Variants in CPLANE1 observed in about 807,000 individuals in gnomAD.
The protein encoded by CPLANE1 is ciliogenesis and planar polarity effector 1.
In CPLANE1, 263 loss-of-function variants were observed where a neutral mutation model predicts 362.5. The observed-to-expected ratio is 0.73, with a 90% CI of 0.66 to 0.80. The LOEUF is 0.80. Ranked by LOEUF, CPLANE1 falls within the 30% of genes least tolerant of loss-of-function variation. The probability of loss-of-function intolerance (pLI) is 0.00; values close to 1 mark genes in which losing one functional copy is unlikely to be tolerated. For synonymous variants in CPLANE1, 1,212 were observed against 1,302.6 expected (o/e 0.93, Z 1.50); for missense variants, 3,461 against 3,793.4 (o/e 0.91, Z 2.30).
At chr5:37,225,044 C>T (rs922568666) in intron 12 of CPLANE1, among the ~76,000 whole-genome samples, 7 of 151,220 alleles carry the variant, frequency 4.6e-5, no homozygotes, top group African/African-American at 1.7e-4. Flanking sequence ...CTCAGCCTCC[C>T]GAACAGGTGA....
At chr5:37,195,072 G>A (rs559753880) in intron 21 of CPLANE1, among the ~76,000 whole-genome samples, 4 of 151,148 alleles carry the variant, frequency 2.6e-5, no homozygotes, top group Non-Finnish European at 4.4e-5. Flanking sequence ...GGAGAATATC[G>A]GGAACCCAGG....
intron 21 of CPLANE1, among the ~76,000 whole-genome samples, chr5:37,192,163 T>C (rs1357571216): frequency 6.6e-6 from 1 of 152,208 alleles, no homozygotes; most frequent in Non-Finnish European, 1.5e-5. Flanking sequence ...ATATTTACCA[T>C]TGTGTTAAAA....
chr5:37,207,158 G>C (rs763671048), intron 16 of CPLANE1, among the ~76,000 whole-genome samples: 1 of 152,148 alleles, frequency 6.6e-6, no homozygotes, highest in Non-Finnish European at 1.5e-5. Context: ...CTTAAAAATA[G>C]GATAAAAGAA....
chr5:37,091,956 G>T, the CPLANE1 span, among the ~76,000 whole-genome samples: 1 of 152,274 alleles, frequency 6.6e-6, no homozygotes, highest in Non-Finnish European at 1.5e-5. Flanking sequence ...GAGGCTGAAT[G>T]AATTCTGCTC....
At chr5:37,149,869 T>C (rs1437914457) in intron 42 of CPLANE1, among the ~76,000 whole-genome samples, 1 of 152,238 alleles carries the variant, frequency 6.6e-6, no homozygotes, top group East Asian at 1.9e-4. Flanking sequence ...TATAAATAAC[T>C]GTTCTACTGG....
At chr5:37,147,949 C>T (rs1215847171) in intron 43 of CPLANE1, among the ~76,000 whole-genome samples, 1 of 117,736 alleles carries the variant, frequency 8.5e-6, no homozygotes, top group Non-Finnish European at 1.6e-5. Flanking sequence ...AGTATAAAAT[C>T]CAGAGGAGGT....
rs1416649981 is a variant in CPLANE1 at position 37,138,850 on chromosome 5, T to C, written c.8664-2A>G. 1.9e-6 allele frequency: 3 copies of C among 1,596,064 alleles called. No homozygotes were observed. The highest frequency in any genetic ancestry group is 2.6e-6 in the Non-Finnish European group (3 of 1,175,398). On this transcript the variant is annotated splice_acceptor_variant, in intron 45 of 52. Transcript: ENST00000651892. LOFTEE classifies it high-confidence loss of function. ...ATCTGGAGCGGATGTACTGAAACAC[T>C]TCATTTGCAAATGTAATTTAAGAAA...
At chr5:37,223,968 A>G (rs1795902703) in intron 14 of CPLANE1, among the ~76,000 whole-genome samples, 1 of 152,232 alleles carries the variant, frequency 6.6e-6, no homozygotes, top group Non-Finnish European at 1.5e-5. Flanking sequence ...ACTTATCTAC[A>G]GATCACTGAA....
the CPLANE1 span, among the ~76,000 whole-genome samples, chr5:37,080,240 C>T: frequency 6.6e-6 from 1 of 152,204 alleles, no homozygotes; most frequent in Non-Finnish European, 1.5e-5. Context: ...AGGGAAAGTT[C>T]CTGATGTAAG....
chr5:37,154,102 C>T (rs1005929372), intron 41 of CPLANE1, 109 bp from the exon 42 acceptor site: 1 of 921,318 alleles, frequency 1.1e-6, no homozygotes, highest in Non-Finnish European at 1.6e-6. Context: ...ACACTACTTT[C>T]CAAATCAGTT....
chr5:37,231,197 C>A, intron 8 of CPLANE1, 148 bp from the exon 9 acceptor site: 1 of 450,434 alleles, frequency 2.2e-6, no homozygotes, highest in Non-Finnish European at 3.7e-6. Flanking sequence ...ATACACATTT[C>A]ATGAATTTTA....
chr5:37,146,601 G>C (rs1438314681), intron 43 of CPLANE1, among the ~76,000 whole-genome samples: 1 of 152,152 alleles, frequency 6.6e-6, no homozygotes, highest in Non-Finnish European at 1.5e-5. Context: ...AAATGGACCT[G>C]ATCTTTTAGA....
At chr5:37,126,259 A>G (rs189257862) in intron 46 of CPLANE1, among the ~76,000 whole-genome samples, 120 of 152,166 alleles carry the variant, frequency 7.9e-4, no homozygotes, top group African/African-American at 2.8e-3. Flanking sequence ...AAATTGTAAC[A>G]CAGAGATGAC....
chr5:37,235,356 G>A (rs1798727544), intron 8 of CPLANE1, among the ~76,000 whole-genome samples: 1 of 152,002 alleles, frequency 6.6e-6, no homozygotes. Context: ...AATTGTAGAT[G>A]ACATAAACAA....
chr5:37,141,914 G>A, intron 44 of CPLANE1: 1 of 574,150 alleles, frequency 1.7e-6, no homozygotes, highest in Non-Finnish European at 2.2e-6. Context: ...CAGAATCTAT[G>A]CATATAAAAC....
At chr5:37,168,043 T>A (rs1778778936) in intron 34 of CPLANE1, among the ~76,000 whole-genome samples, 1 of 152,192 alleles carries the variant, frequency 6.6e-6, no homozygotes, top group Non-Finnish European at 1.5e-5. Flanking sequence ...CCCAGTACCA[T>A]CTTCAAATCA....
chr5:37,155,267 C>A (rs1774750152), intron 41 of CPLANE1, among the ~76,000 whole-genome samples: 1 of 152,226 alleles, frequency 6.6e-6, no homozygotes, highest in Admixed American at 6.5e-5. Context: ...CAGACAATGG[C>A]ACACATAATC....
At chr5:37,184,242 G>T (rs1460390137) in intron 25 of CPLANE1, among the ~76,000 whole-genome samples, 1 of 151,976 alleles carries the variant, frequency 6.6e-6, no homozygotes, top group Non-Finnish European at 1.5e-5. Context: ...CACCTTAACT[G>T]CCCAACAACA....
At chr5:37,093,742 T>A in the CPLANE1 span, among the ~76,000 whole-genome samples, 1 of 152,096 alleles carries the variant, frequency 6.6e-6, no homozygotes, top group Non-Finnish European at 1.5e-5. Context: ...TAAGACCCAA[T>A]GCAGAAAACA....
Sources: gnomAD v4.1 joint callset for allele counts (sites outside exome capture counted in the v4.1 genomes callset) on GRCh38, gnomAD v4.1.1 for gene constraint, MANE v1.5 for transcripts, NCBI Gene and HGNC (gene_info 2026-07-23, HGNC 2026-07-21) for gene names.